The following ZNF638 variants were observed in gnomAD, a reference collection of about 807,000 sequenced individuals.
The protein encoded by ZNF638 is zinc finger protein 638.
In ZNF638, 46 loss-of-function variants were observed where a neutral mutation model predicts 195.6. That is an observed-to-expected ratio of 0.24 (90% CI 0.19 to 0.30). The LOEUF is 0.30. Ranked by LOEUF, ZNF638 falls within the 10% of genes least tolerant of loss-of-function variation. The probability of loss-of-function intolerance (pLI) is 1.00; values close to 1 mark genes in which losing one functional copy is unlikely to be tolerated. For synonymous variants in ZNF638, 845 were observed against 772.0 expected (o/e 1.09, Z -1.57); for missense variants, 2,440 against 2,325.3 (o/e 1.05, Z -1.01).
chr2:71,400,423 A>G, intron 14 of ZNF638, 55 bp from the exon 15 acceptor site: 1 of 1,527,532 alleles, frequency 6.5e-7, no homozygotes. Flanking sequence ...TTGTGGAATA[A>G]AGTAGGATCT....
In ZNF638 at chr2:71,427,102, G is replaced by T; in HGVS notation, c.5233G>T (p.Asp1745Tyr). The change falls in exon 24 of 28, where the codon GAT (aspartate) becomes TAT (tyrosine). Residue 1745 changes from aspartate to tyrosine, a missense_variant. This residue lies in a region of ZNF638 where 1,883 missense variants were observed against 1,739.1 expected (regional missense o/e 1.08). Coordinates refer to ENST00000264447, the MANE Select transcript of ZNF638 (RefSeq NM_014497.5). ...TVDEIQDDSSDLHLVTLDEVT... is the reference protein window; with the variant it reads ...TVDEIQDDSSYLHLVTLDEVT... Reference sequence around the variant, plus strand: ...AGATGAAATACAAGATGACAGCAGTGATTTGCATTTAGTGACTTTGGATGA... The same window carrying T: ...AGATGAAATACAAGATGACAGCAGTTATTTGCATTTAGTGACTTTGGATGA... 1 of 1,614,156 alleles carries T rather than the reference G, an allele frequency of 6.2e-7. No individual in the cohort carries two copies. The highest frequency in any genetic ancestry group is 8.5e-7 in the Non-Finnish European group (1 of 1,180,020).
intron 9 of ZNF638, 109 bp from the exon 10 acceptor site, chr2:71,380,404 C>G (rs1182172576): frequency 4.4e-6 from 5 of 1,134,600 alleles, no homozygotes; most frequent in African/African-American, 3.2e-5. Flanking sequence ...AGGGATATCA[C>G]TCCAGTTGAA....
intron 8 of ZNF638, among the ~76,000 whole-genome samples, chr2:71,372,379 T>C (rs762347654): frequency 3.0e-4 from 46 of 152,136 alleles, no homozygotes; most frequent in Non-Finnish European, 6.2e-4. Flanking sequence ...CTTCAGTGCA[T>C]GGGTGCTGGC....
chr2:71,429,399 T>C (rs1282784710), intron 25 of ZNF638, among the ~76,000 whole-genome samples: 3 of 152,194 alleles, frequency 2.0e-5, no homozygotes, highest in African/African-American at 7.2e-5. Context: ...CCTAACCAGA[T>C]GTAAAATTAG....
At chr2:71,395,361 G>A (rs2079871882) in intron 10 of ZNF638, 2 of 711,706 alleles carry the variant, frequency 2.8e-6, no homozygotes, top group Admixed American at 2.0e-5. Flanking sequence ...GGGAGATGTA[G>A]GAGATCAGTC....
At chr2:71,337,586 T>G in intron 1 of ZNF638, among the ~76,000 whole-genome samples, 1 of 152,024 alleles carries the variant, frequency 6.6e-6, no homozygotes, top group Non-Finnish European at 1.5e-5. Context: ...TTATATTTTT[T>G]GTAGAGATGG....
intron 16 of ZNF638, 80 bp from the exon 17 acceptor site, chr2:71,403,790 G>A (rs2080052107): frequency 1.9e-6 from 2 of 1,037,494 alleles, no homozygotes; most frequent in Admixed American, 2.6e-5. Context: ...GTTTGAAGTA[G>A]TTTGTTTATA....
At chr2:71,380,711 G>A (rs1284273567) in intron 10 of ZNF638, 146 bp downstream of exon 10, 2 of 541,292 alleles carry the variant, frequency 3.7e-6, no homozygotes, top group African/African-American at 2.0e-5. Context: ...TATTAAGCAG[G>A]CGGTTAATAT....
intron 7 of ZNF638, 41 bp from the exon 8 acceptor site, chr2:71,369,842 A>T (rs2079277353): frequency 6.5e-7 from 1 of 1,541,230 alleles, no homozygotes; most frequent in Admixed American, 2.3e-5. Flanking sequence ...GAACTTTTAA[A>T]GATAGATTTG....
At chr2:71,375,357 T>G (rs1252366817) in intron 8 of ZNF638, 2 of 152,238 alleles carry the variant, frequency 1.3e-5, no homozygotes, top group Non-Finnish European at 2.9e-5. Flanking sequence ...CTCCATAATA[T>G]CTTCAGGAAC....
At chr2:71,397,254 C>T (rs1231643680) in intron 11 of ZNF638, among the ~76,000 whole-genome samples, 1 of 152,082 alleles carries the variant, frequency 6.6e-6, no homozygotes, top group Admixed American at 6.5e-5. Context: ...TTTATTTTTT[C>T]CTTAAGTCCC....
At chr2:71,410,909 G>A (rs2080201185) in intron 20 of ZNF638, among the ~76,000 whole-genome samples, 1 of 147,788 alleles carries the variant, frequency 6.8e-6, no homozygotes, top group African/African-American at 2.5e-5. Context: ...AGTGAGTAAG[G>A]TTTTTTCTTG....
At chr2:71,335,851 C>T (rs1343228775) in intron 1 of ZNF638, among the ~76,000 whole-genome samples, 1 of 152,162 alleles carries the variant, frequency 6.6e-6, no homozygotes, top group Non-Finnish European at 1.5e-5. Flanking sequence ...AACTCACTAC[C>T]TCCCACCCCC....
intron 10 of ZNF638, among the ~76,000 whole-genome samples, chr2:71,389,202 A>G (rs753017538): frequency 4.6e-5 from 7 of 152,094 alleles, no homozygotes; most frequent in East Asian, 3.9e-4. Flanking sequence ...CCCTCCCCCA[A>G]TAAATTGGAA....
At chr2:71,361,939 G>C (rs568345023) in intron 3 of ZNF638, among the ~76,000 whole-genome samples, 4 of 152,204 alleles carry the variant, frequency 2.6e-5, no homozygotes, top group Admixed American at 2.0e-4. Flanking sequence ...AATAAGGTTC[G>C]ACCTAACGTT....
chr2:71,345,012 T>G (rs957689830), intron 1 of ZNF638, among the ~76,000 whole-genome samples: 3 of 152,208 alleles, frequency 2.0e-5, no homozygotes, highest in African/African-American at 7.2e-5. Context: ...CTATACTTTC[T>G]GCAGTTAGTT....
At chr2:71,397,570 C>G (rs2079919160) in intron 11 of ZNF638, among the ~76,000 whole-genome samples, 2 of 152,128 alleles carry the variant, frequency 1.3e-5, no homozygotes, top group African/African-American at 4.8e-5. Context: ...AATCACCACC[C>G]TTATGTATAG....
intron 15 of ZNF638, among the ~76,000 whole-genome samples, chr2:71,401,287 C>T (rs1014881794): frequency 1.3e-5 from 2 of 152,030 alleles, no homozygotes; most frequent in African/African-American, 4.8e-5. Context: ...GAGTAATTGG[C>T]ATTGATGAGA....
At chr2:71,335,594 A>C (rs2078652156) in intron 1 of ZNF638, among the ~76,000 whole-genome samples, 1 of 152,224 alleles carries the variant, frequency 6.6e-6, no homozygotes, top group Non-Finnish European at 1.5e-5. Flanking sequence ...CATATACAAA[A>C]GTAGAGAGAA....
Sources: gnomAD v4.1 joint callset for allele counts (sites outside exome capture counted in the v4.1 genomes callset) on GRCh38, gnomAD v4.1.1 for gene constraint, gnomAD v4.1.1 regional missense constraint, MANE v1.5 for transcripts, NCBI Gene and HGNC (gene_info 2026-07-23, HGNC 2026-07-21) for gene names.